The following TTC3 variants were observed in gnomAD, a reference collection of about 807,000 sequenced individuals.
TTC3 encodes the protein tetratricopeptide repeat domain 3.
In TTC3, 180 loss-of-function variants were observed where a neutral mutation model predicts 249.6. That is an observed-to-expected ratio of 0.72 (90% CI 0.64 to 0.82). TTC3 has a LOEUF of 0.82. Ranked by LOEUF, TTC3 falls within the 40% of genes least tolerant of loss-of-function variation. TTC3 has a pLI of 0.00. For missense variants in TTC3, 2,061 were observed against 2,398.4 expected, an observed-to-expected ratio of 0.86 and a Z score of 2.94; for synonymous variants, 717 against 805.0, an observed-to-expected ratio of 0.89 and a Z score of 1.85.
At chr21:37,087,167 A>G in intron 1 of TTC3, 80 bp from the exon 2 acceptor site, 2 of 1,491,404 alleles carry the variant, frequency 1.3e-6, no homozygotes, top group Non-Finnish European at 9.1e-7. Context: ...TTTTTCTAAT[A>G]TACCATAGAA....
At chr21:37,081,870 T>G (rs1427818982) in intron 1 of TTC3, 2 of 151,070 alleles carry the variant, frequency 1.3e-5, no homozygotes, top group Non-Finnish European at 2.9e-5. Flanking sequence ...AATTACTTTT[T>G]TTTTTTTTTT....
chr21:37,128,247 A>C (rs1289595432), intron 15 of TTC3, among the ~76,000 whole-genome samples: 2 of 152,150 alleles, frequency 1.3e-5, no homozygotes, highest in Non-Finnish European at 2.9e-5. Context: ...TCCTCCTGCC[A>C]TACCAGTTCT....
At chr21:37,135,256 AG>A in intron 17 of TTC3, 123 bp from the exon 18 acceptor site, 1 of 999,568 alleles carries the variant, frequency 1.0e-6, no homozygotes, top group South Asian at 1.8e-5. Context: ...GAATAAGGGT[AG>A]TTTGGGTATT....
chr21:37,104,017 G>A (rs2074798947), intron 10 of TTC3, among the ~76,000 whole-genome samples: 1 of 152,100 alleles, frequency 6.6e-6, no homozygotes, highest in African/African-American at 2.4e-5. Flanking sequence ...TAGGTTAGGA[G>A]GCTGTTGCAG....
intron 1 of TTC3, chr21:37,086,501 A>G (rs1055082894): frequency 6.6e-6 from 1 of 152,232 alleles, no homozygotes; most frequent in Non-Finnish European, 1.5e-5. Flanking sequence ...CCCCATTGAA[A>G]TACGTATTTT....
intron 10 of TTC3, among the ~76,000 whole-genome samples, chr21:37,103,141 A>ATAAT (rs2074682785): frequency 6.6e-6 from 1 of 152,200 alleles, no homozygotes. Flanking sequence ...TTCAGGAATA[A>ATAAT]TTAGCAAATC....
At position 37,120,417 on chromosome 21, in the gene TTC3, G is replaced by A. The variant is rs548034536; in HGVS notation, c.901-1400G>A. 5.6e-4 allele frequency among the ~76,000 whole-genome samples: 86 copies of A among 152,288 alleles called. 1 individual carries two copies. The highest frequency in any genetic ancestry group is 1.1e-3 in the Non-Finnish European group (75 of 68,016). On this transcript the variant is annotated intron_variant, in intron 11 of 45. Transcript: ENST00000355666. ...GAGAAAAGTATGGAGAAAAGAGAAA[G>A]AAATAAAGTTCTCTGCAAATTTAGT... is the stretch of plus-strand genomic sequence containing the variant.
chr21:37,152,820 T>G, intron 26 of TTC3, 131 bp from the exon 27 acceptor site: 3 of 726,686 alleles, frequency 4.1e-6, no homozygotes, highest in Non-Finnish European at 6.2e-6. Context: ...CTAATTAAAG[T>G]TTCTTGAGTT....
chr21:37,109,062 G>T (rs190556052), intron 11 of TTC3, among the ~76,000 whole-genome samples: 2 of 152,178 alleles, frequency 1.3e-5, no homozygotes, highest in East Asian at 3.9e-4. Context: ...ATAGAAATAA[G>T]AAACTATTTC....
chr21:37,156,727 C>G (rs755312072), exon 28 of TTC3: 3 of 1,613,934 alleles, frequency 1.9e-6, no homozygotes, highest in Non-Finnish European at 2.5e-6. Context: ...AGTATCATGA[C>G]TTTCCTCTGG....
chr21:37,187,736 A>G (rs964188736), intron 38 of TTC3: 14 of 152,296 alleles, frequency 9.2e-5, no homozygotes, highest in African/African-American at 3.4e-4. Context: ...TAAAGTAAGA[A>G]AAGACTTAGT....
At chr21:37,095,302 T>C in intron 8 of TTC3, 48 bp from the exon 9 acceptor site, 2 of 1,306,652 alleles carry the variant, frequency 1.5e-6, no homozygotes, top group Non-Finnish European at 2.2e-6. Flanking sequence ...GGGTTCTTGA[T>C]GATTTTTGGA....
At chr21:37,123,890 AGGC>A (rs752581503) in intron 13 of TTC3, among the ~76,000 whole-genome samples, 53 of 151,804 alleles carry the variant, frequency 3.5e-4, no homozygotes, top group Non-Finnish European at 1.6e-4. Flanking sequence ...CTGGGGCCAC[AGGC>A]GGCTGCCACC....
At chr21:37,096,805 A>C in intron 10 of TTC3, 162 bp downstream of exon 10, 1 of 547,482 alleles carries the variant, frequency 1.8e-6, no homozygotes, top group Non-Finnish European at 3.2e-6. Flanking sequence ...ATATAATAAC[A>C]ACAGTGACAG....
chr21:37,157,294 G>A (rs577001141), intron 28 of TTC3: 3 of 840,176 alleles, frequency 3.6e-6, no homozygotes, highest in East Asian at 6.4e-5. Flanking sequence ...AGAATGGATA[G>A]CATTCTAGGA....
At chr21:37,094,269 G>A (rs1319701845) in intron 8 of TTC3, among the ~76,000 whole-genome samples, 179 bp downstream of exon 8, 1 of 152,148 alleles carries the variant, frequency 6.6e-6, no homozygotes, top group Admixed American at 6.6e-5. Context: ...TTAATTGAAA[G>A]TGAAAATTTG....
intron 20 of TTC3, among the ~76,000 whole-genome samples, chr21:37,144,059 C>T (rs2078754387): frequency 6.6e-6 from 1 of 151,320 alleles, no homozygotes; most frequent in Admixed American, 6.6e-5. Context: ...CACATGGACA[C>T]AGGAAGGGGA....
At chr21:37,156,245 C>T (rs867489800) in intron 27 of TTC3, among the ~76,000 whole-genome samples, 52 of 45,054 alleles carry the variant, frequency 1.2e-3, no homozygotes, top group African/African-American at 4.7e-3. Flanking sequence ...GCTATGTTGC[C>T]AGGGCTGGTA....
chr21:37,089,751 T>C (rs1742213780), intron 5 of TTC3, among the ~76,000 whole-genome samples: 1 of 152,084 alleles, frequency 6.6e-6, no homozygotes, highest in South Asian at 2.1e-4. Context: ...TGACCTCAGA[T>C]GATCCACCCG....
Sources: gnomAD v4.1 joint callset for allele counts (sites outside exome capture counted in the v4.1 genomes callset) on GRCh38, gnomAD v4.1.1 for gene constraint, MANE v1.5 for transcripts, NCBI Gene and HGNC (gene_info 2026-07-23, HGNC 2026-07-21) for gene names.